The following PROKR1 variants were observed in gnomAD, a reference collection of about 807,000 sequenced individuals.
The protein encoded by PROKR1 is G protein-coupled receptor 73.
Under a neutral mutation model 22.8 loss-of-function variants are expected in PROKR1, and 21 were observed. That is an observed-to-expected ratio of 0.92 (90% confidence interval 0.65 to 1.32). The LOEUF (loss-of-function observed/expected upper bound fraction) is 1.32. Ranked by LOEUF, PROKR1 falls within the 40% of genes most tolerant of loss-of-function variation. The probability of loss-of-function intolerance (pLI) is 0.00; values close to 1 mark genes in which losing one functional copy is unlikely to be tolerated. For missense variants in PROKR1, 548 were observed against 514.2 expected (o/e 1.07, Z -0.64); for synonymous variants, 193 against 207.5 (o/e 0.93, Z 0.60).
At chr2:68,646,432 TGG>T in intron 2 of PROKR1, 126 bp downstream of exon 2, 1 of 1,383,980 alleles carries the variant, frequency 7.2e-7, no homozygotes, top group Non-Finnish European at 9.9e-7. Flanking sequence ...TGTGGTTGCA[TGG>T]GGGACTCAAA....
In PROKR1 at chr2:68,656,304, G is replaced by C. The variant is rs188813859; in HGVS notation, c.*728G>C. 1.3e-5 allele frequency: 2 copies of C among 153,192 alleles called. No homozygotes were observed. The highest frequency in any genetic ancestry group is 4.8e-5 in the African/African-American group (2 of 41,444). The allele number at this position is 153,192 out of a possible 1,614,324, so 9.5% of individuals were successfully genotyped here. On this transcript the variant is annotated 3_prime_UTR_variant, in exon 3 of 3. Transcript: ENST00000303786. ...CTGGGTACCTGGAGTAAGTCCAGAGGGGGAAGCCTGGATTCAGGGTAAGCA... is the reference window on the plus strand; with the variant it reads ...CTGGGTACCTGGAGTAAGTCCAGAGCGGGAAGCCTGGATTCAGGGTAAGCA...
chr2:68,645,741 A>T lies in PROKR1; in HGVS notation c.-81A>T. ...ACTCATTAAGGGAGAGCTGGCTGATAGCAGAGAGGGGTGACATCAGCCTTG... is the reference window on the plus strand; with the variant it reads ...ACTCATTAAGGGAGAGCTGGCTGATTGCAGAGAGGGGTGACATCAGCCTTG... On this transcript the variant is annotated 5_prime_UTR_variant, in exon 2 of 3. Transcript: ENST00000303786. 2 of 1,587,746 alleles carry T rather than the reference A, an allele frequency of 1.3e-6. No individual in the cohort carries two copies. Among genetic ancestry groups the T allele is most frequent in the Non-Finnish European group, 1.7e-6 (2 of 1,157,552 alleles).
Position 68,655,139 on chromosome 2 carries a change from AC to A in PROKR1, c.748del (p.Leu250CysfsTer66). ...ATTCGTGGGCCCCGTGGTCACCATG[AC>A]CCTGTGCTATGCCAGGATCTCCCGG... ...IEFVGPVVTM[T>X]LCYARISREL... On this transcript the variant is annotated frameshift_variant, in exon 3 of 3. Transcript: ENST00000303786. LOFTEE classifies it high-confidence loss of function. 1.2e-6 allele frequency: 2 copies of A among 1,614,170 alleles called. No individual in the cohort carries two copies. The highest frequency in any genetic ancestry group is 1.7e-6 in the Non-Finnish European group (2 of 1,180,032).
intron 2 of PROKR1, among the ~76,000 whole-genome samples, chr2:68,651,385 A>G (rs533761531): frequency 6.6e-6 from 1 of 152,192 alleles, no homozygotes; most frequent in South Asian, 2.1e-4. Flanking sequence ...ACAAAACAAA[A>G]CAAAAAAGGA....
At position 68,657,382 on chromosome 2, in the gene PROKR1, G is replaced by A. The variant is rs1161427105; in HGVS notation, c.*1806G>A. 4.6e-5 allele frequency: 7 copies of A among 152,200 alleles called. No individual in the cohort carries two copies. Among genetic ancestry groups the A allele is most frequent in the Non-Finnish European group, 7.3e-5 (5 of 68,040 alleles). 9.4% of individuals were successfully genotyped at this position (152,200 alleles called of 1,614,324 possible). On this transcript the variant is annotated 3_prime_UTR_variant, in exon 3 of 3. Transcript: ENST00000303786. ...TTATTCCTTTGTGCTTCATAACAGTGCTGTATGCATTATGTGCCTAATGAC... is the reference window on the plus strand; with the variant it reads ...TTATTCCTTTGTGCTTCATAACAGTACTGTATGCATTATGTGCCTAATGAC...
rs763323084 is a variant in PROKR1, at chr2:68,645,900, G to A, written c.79G>A (p.Gly27Arg). 6.2e-7 allele frequency: 1 copy of A among 1,614,174 alleles called. No individual in the cohort carries two copies. ...TSFLSVLNPH[G>R]AHATSFPFNF... The stretch of plus-strand genomic sequence containing the variant: ...CTTCCTTTCTGTGCTCAACCCTCAT[G>A]GAGCCCATGCCACTTCCTTCCCATT... The change falls in exon 2 of 3, where the codon GGA (glycine) becomes AGA (arginine). Residue 27 changes from glycine (G) to arginine (R), a missense_variant. Gly to Arg is a moderately radical substitution (Grantham distance 125, BLOSUM62 -2). Coordinates refer to ENST00000303786, the MANE Select transcript of PROKR1 (RefSeq NM_138964.4).
chr2:68,650,215 A>G (rs924269984), intron 2 of PROKR1, among the ~76,000 whole-genome samples: 15 of 137,712 alleles, frequency 1.1e-4, no homozygotes, highest in African/African-American at 3.5e-4. Context: ...TTAAAGTATA[A>G]AAAAAAAAGA....
At position 68,657,333 on chromosome 2, in the gene PROKR1, C is replaced by T. The variant is rs1276148086; in HGVS notation, c.*1757C>T. The T allele has an allele frequency of 6.6e-6, 1 of 152,176 alleles. No individual in the cohort carries two copies. Among genetic ancestry groups the T allele is most frequent in the African/African-American group, 2.4e-5 (1 of 41,434 alleles). 9.4% of individuals were successfully genotyped at this position (152,176 alleles called of 1,614,324 possible). On this transcript the variant is annotated 3_prime_UTR_variant, in exon 3 of 3. Coordinates refer to ENST00000303786, the MANE Select transcript of PROKR1 (RefSeq NM_138964.4). ...GTGTATCCAGAAACCTGGCCGTCTC[C>T]ACTTTTATTTTTCTTTGTGTAAATT...
chr2:68,644,354 G>GC (rs1262856189), intron 1 of PROKR1, among the ~76,000 whole-genome samples: 1 of 152,148 alleles, frequency 6.6e-6, no homozygotes, highest in Non-Finnish European at 1.5e-5. Flanking sequence ...TTCCAAGCCT[G>GC]CCCCCCTCCT....
chr2:68,654,110 A>C (rs1353682487), intron 2 of PROKR1, among the ~76,000 whole-genome samples: 2 of 152,120 alleles, frequency 1.3e-5, no homozygotes, highest in Non-Finnish European at 2.9e-5. Flanking sequence ...TAGAATGTAG[A>C]ATGAAGAAAA....
chr2:68,650,423 G>C (rs2104187201), intron 2 of PROKR1, among the ~76,000 whole-genome samples: 1 of 152,218 alleles, frequency 6.6e-6, no homozygotes, highest in South Asian at 2.1e-4. Flanking sequence ...TTTTTTTAGA[G>C]ATGAGATCTT....
chr2:68,645,330 TCC>T (rs200148601), intron 1 of PROKR1, among the ~76,000 whole-genome samples: 2,168 of 151,934 alleles, frequency 0.014, 36 homozygotes, highest in South Asian at 0.039. Flanking sequence ...CTGAAAGCCC[TCC>T]CTCTTAAATA....
chr2:68,654,965 A>C lies in PROKR1; in HGVS notation c.571A>C (p.Ile191Leu). Residue 191 changes from isoleucine (I) to leucine (L), a missense_variant, in exon 3 of 3, where the codon ATC becomes CTC. Coordinates refer to ENST00000303786, the MANE Select transcript of PROKR1 (RefSeq NM_138964.4). ...GLIALVWTVS[I>L]LIAIPSAYFT... is the part of the protein sequence containing the mutation. ...GATTGCCTTGGTGTGGACGGTGTCC[A>C]TCCTGATCGCCATCCCTTCCGCCTA... is the stretch of plus-strand genomic sequence containing the variant. The C allele has an allele frequency of 6.2e-7, 1 of 1,613,542 alleles. No individual in the cohort carries two copies. Among genetic ancestry groups the C allele is most frequent in the Non-Finnish European group, 8.5e-7 (1 of 1,179,954 alleles).
rs772690003 is a variant in PROKR1, at chr2:68,646,033, G to T, written c.212G>T (p.Gly71Val). 1 of 1,614,272 alleles carries T rather than the reference G, an allele frequency of 6.2e-7. No homozygotes were observed. The highest frequency in any genetic ancestry group is 1.7e-5 in the Admixed American group (1 of 60,032). The change falls in exon 2 of 3, where the codon GGC becomes GTC. Residue 71 changes from glycine to valine, a missense_variant. Coordinates refer to ENST00000303786, the MANE Select transcript of PROKR1 (RefSeq NM_138964.4). ...ATTGTCATTGGGATGGCCCTGGTGG[G>T]CATCATGCTGGTCTGCGGCATTGGA... ...AKIVIGMALV[G>V]IMLVCGIGNF...
Position 68,646,033 on chromosome 2 carries a change from G to A in PROKR1, c.212G>A (p.Gly71Asp). 1 of 1,614,272 alleles carries A rather than the reference G, an allele frequency of 6.2e-7. No individual in the cohort carries two copies. Among genetic ancestry groups the A allele is most frequent in the Non-Finnish European group, 8.5e-7 (1 of 1,180,056 alleles). The change falls in exon 2 of 3, where the codon GGC (glycine) becomes GAC (aspartate). Residue 71 changes from glycine (G) to aspartate (D), a missense_variant. Physicochemically the swap from Gly to Asp is moderately conservative, Grantham distance 94. Coordinates refer to ENST00000303786, the MANE Select transcript of PROKR1 (RefSeq NM_138964.4). ...ATTGTCATTGGGATGGCCCTGGTGG[G>A]CATCATGCTGGTCTGCGGCATTGGA... ...AKIVIGMALV[G>D]IMLVCGIGNF...
Position 68,657,129 on chromosome 2 carries a change from A to T in PROKR1, c.*1553A>T, listed in dbSNP as rs941923877. On this transcript the variant is annotated 3_prime_UTR_variant, in exon 3 of 3. Coordinates refer to ENST00000303786, the MANE Select transcript of PROKR1 (RefSeq NM_138964.4). ...AAAGCCTCTCCGAGGGGACAAAGGTAACACCTTTGTCCTTCTGTGGTACCT... is the reference window on the plus strand; with the variant it reads ...AAAGCCTCTCCGAGGGGACAAAGGTTACACCTTTGTCCTTCTGTGGTACCT... The T allele has an allele frequency of 6.6e-6, 1 of 152,170 alleles. No homozygotes were observed. Among genetic ancestry groups the T allele is most frequent in the Non-Finnish European group, 1.5e-5 (1 of 68,038 alleles). 9.4% of individuals were successfully genotyped at this position (152,170 alleles called of 1,614,324 possible). A position where few individuals can be genotyped will look rare whatever the true frequency, so the allele number is the denominator to read the frequency against.
chr2:68,655,313 C>G lies in PROKR1; in HGVS notation c.919C>G (p.Arg307Gly), dbSNP rs748220604. Reference sequence around the variant, plus strand: ...GCCCTTCTACGGCTTCACCATCGTGCGCGACTTCTTCCCCACCGTGTTTGT... The same window carrying G: ...GCCCTTCTACGGCTTCACCATCGTGGGCGACTTCTTCCCCACCGTGTTTGT... ...WAPFYGFTIV[R>G]DFFPTVFVKE... The change falls in exon 3 of 3, where the codon CGC becomes GGC. Residue 307 changes from arginine (R) to glycine (G), a missense_variant. By Grantham distance (125) the Arg-to-Gly change is moderately radical. Coordinates refer to ENST00000303786, the MANE Select transcript of PROKR1 (RefSeq NM_138964.4). 7 of 1,614,224 alleles carry G rather than the reference C, an allele frequency of 4.3e-6. No homozygotes were observed. In the South Asian group the frequency reaches 5.5e-5, roughly 13 times the overall value.
At chr2:68,644,291 C>T (rs559301740) in intron 1 of PROKR1, among the ~76,000 whole-genome samples, 18 of 152,290 alleles carry the variant, frequency 1.2e-4, no homozygotes, top group African/African-American at 3.4e-4. Context: ...CCAGGAGTGG[C>T]ATGCCTCTGC....
chr2:68,656,806 A>C lies in PROKR1; in HGVS notation c.*1230A>C, dbSNP rs928941507. On this transcript the variant is annotated 3_prime_UTR_variant, in exon 3 of 3. Transcript: ENST00000303786. ...TTGCTTCTAAAATAGGGGTCCTCTT[A>C]GGAGGGATAAGCCACACGTTTCTAG... The C allele has an allele frequency of 1.2e-4, 18 of 152,166 alleles. No individual in the cohort carries two copies. Among genetic ancestry groups the C allele is most frequent in the African/African-American group, 4.3e-4 (18 of 41,432 alleles). 9.4% of individuals were successfully genotyped at this position (152,166 alleles called of 1,614,324 possible). A position where few individuals can be genotyped will look rare whatever the true frequency, so the allele number is the denominator to read the frequency against.
Sources: gnomAD v4.1 joint callset for allele counts (sites outside exome capture counted in the v4.1 genomes callset) on GRCh38, gnomAD v4.1.1 for gene constraint, MANE v1.5 for transcripts, NCBI Gene and HGNC (gene_info 2026-07-23, HGNC 2026-07-21) for gene names.